Variants in ZNF804A observed in about 807,000 individuals in gnomAD.
ZNF804A encodes zinc finger protein 804A.
Under a neutral mutation model 16.5 loss-of-function variants are expected in ZNF804A, and 2 were observed. The ratio of observed to expected loss-of-function variants is 0.12; its 90% CI spans 0.05 to 0.38. The LOEUF (loss-of-function observed/expected upper bound fraction) is 0.38, where lower values mean the gene tolerates loss of function less well. ZNF804A is among the 10% of genes least tolerant of loss of function. The probability of loss-of-function intolerance (pLI) is 0.99; values close to 1 mark genes in which losing one functional copy is unlikely to be tolerated. For synonymous variants in ZNF804A, 534 were observed against 489.6 expected (o/e 1.09, Z -1.20); for missense variants, 1,473 against 1,390.7 (o/e 1.06, Z -0.94).
At chr2:184,900,586 A>G (rs968086162) in intron 2 of ZNF804A, among the ~76,000 whole-genome samples, 1 of 152,068 alleles carries the variant, frequency 6.6e-6, no homozygotes. Context: ...TCCTGGGTGT[A>G]TTAATGTAGG....
Position 184,937,346 on chromosome 2 carries a change from A to G in ZNF804A, c.1950A>G (p.Leu650=). Residue 650 remains leucine (L), a synonymous_variant, in exon 4 of 4, where the codon TTA becomes TTG. Transcript: ENST00000302277. ...AGTATTTAGCTGCAGAGCAATTATT[A>G]GACTCACATCAGTTACTTGATAAAA... is the stretch of plus-strand genomic sequence containing the variant. ...EKQYLAAEQL[L]DSHQLLDKRP... 6.2e-7 allele frequency: 1 copy of G among 1,613,918 alleles called. No homozygotes were observed. Among genetic ancestry groups the G allele is most frequent in the South Asian group, 1.1e-5 (1 of 91,072 alleles).
intron 1 of ZNF804A, among the ~76,000 whole-genome samples, chr2:184,796,338 G>A (rs1694629185): frequency 6.6e-6 from 1 of 151,386 alleles, no homozygotes; most frequent in African/African-American, 2.4e-5. Context: ...CTATGAATCT[G>A]TCTGGTCCTG....
intron 1 of ZNF804A, among the ~76,000 whole-genome samples, chr2:184,621,396 TC>T (rs1265138352): frequency 6.6e-6 from 1 of 151,742 alleles, no homozygotes; most frequent in Non-Finnish European, 1.5e-5. Flanking sequence ...TAGCTATATA[TC>T]CATGTATCCA....
intron 1 of ZNF804A, among the ~76,000 whole-genome samples, chr2:184,634,580 A>T (rs1313657172): frequency 6.6e-6 from 1 of 152,088 alleles, no homozygotes; most frequent in Non-Finnish European, 1.5e-5. Flanking sequence ...GGAGAAAAGG[A>T]AAAGGGAGAG....
chr2:184,890,288 T>C (rs925932593), intron 2 of ZNF804A, among the ~76,000 whole-genome samples: 1 of 152,164 alleles, frequency 6.6e-6, no homozygotes, highest in African/African-American at 2.4e-5. Flanking sequence ...TAAGAAGAAA[T>C]GCTAGATGTT....
At chr2:184,923,550 C>G (rs956464621) in intron 2 of ZNF804A, among the ~76,000 whole-genome samples, 1 of 151,820 alleles carries the variant, frequency 6.6e-6, no homozygotes, top group East Asian at 1.9e-4. Flanking sequence ...TTTCTCTTGT[C>G]TGATTGATTG....
At chr2:184,790,263 CAT>C (rs1438746036) in intron 1 of ZNF804A, among the ~76,000 whole-genome samples, 2 of 150,674 alleles carry the variant, frequency 1.3e-5, no homozygotes, top group Admixed American at 6.6e-5. Context: ...TATGGCCAAT[CAT>C]ATGGTCGATT....
At chr2:184,717,361 T>C (rs1693231166) in intron 1 of ZNF804A, among the ~76,000 whole-genome samples, 1 of 152,218 alleles carries the variant, frequency 6.6e-6, no homozygotes, top group Non-Finnish European at 1.5e-5. Flanking sequence ...GCTGTTGTTT[T>C]GTTGGTTTCA....
intron 1 of ZNF804A, among the ~76,000 whole-genome samples, chr2:184,814,600 G>C (rs968708606): frequency 3.3e-5 from 5 of 152,074 alleles, no homozygotes; most frequent in Admixed American, 6.6e-5. Flanking sequence ...TCATTGAGAA[G>C]AATTTATTCA....
intron 1 of ZNF804A, among the ~76,000 whole-genome samples, chr2:184,864,086 A>G (rs1209355904): frequency 6.6e-6 from 1 of 152,132 alleles, no homozygotes; most frequent in Non-Finnish European, 1.5e-5. Context: ...AGGCTGGGTA[A>G]TTTATACAGA....
At chr2:184,704,046 G>A (rs1692978342) in intron 1 of ZNF804A, among the ~76,000 whole-genome samples, 1 of 152,052 alleles carries the variant, frequency 6.6e-6, no homozygotes, top group African/African-American at 2.4e-5. Flanking sequence ...GGTACCACCA[G>A]CCACAATGTT....
In ZNF804A at chr2:184,936,065, C is replaced by A. The variant is rs148931756; in HGVS notation, c.669C>A (p.Ser223=). ...GFSFAFPKKA[S]VKLESSAAAF... is the part of the protein sequence containing the mutation. ...CTTTTGCATTTCCAAAGAAAGCGTC[C>A]GTGAAGCTAGAGTCCTCAGCTGCAG... The change falls in exon 4 of 4, where the codon TCC becomes TCA. Residue 223 remains serine (S), a synonymous_variant. Coordinates refer to ENST00000302277, the MANE Select transcript of ZNF804A (RefSeq NM_194250.2). 5.3e-4 allele frequency: 863 copies of A among 1,613,936 alleles called. No individual in the cohort carries two copies. The highest frequency in any genetic ancestry group is 6.9e-4 in the Non-Finnish European group (820 of 1,179,946).
intron 1 of ZNF804A, among the ~76,000 whole-genome samples, chr2:184,613,404 T>C (rs1422937647): frequency 6.6e-6 from 1 of 152,216 alleles, no homozygotes; most frequent in African/African-American, 2.4e-5. Context: ...AGAATTCTAC[T>C]AGCATCTTTA....
intron 1 of ZNF804A, among the ~76,000 whole-genome samples, chr2:184,769,234 A>G (rs1340101956): frequency 2.0e-5 from 3 of 152,072 alleles, no homozygotes; most frequent in Admixed American, 6.6e-5. Flanking sequence ...TAAGGAAAGA[A>G]CACACTGCTG....
rs202048586 is a variant in ZNF804A, at chr2:184,630,860, AT to A, written c.111+31794del. Among the ~76,000 whole-genome samples the A allele has an allele frequency of 9.2e-3, 1,401 of 152,198 alleles. 24 individuals carry two copies. The highest frequency in any genetic ancestry group is 0.032 in the African/African-American group (1,335 of 41,552). On this transcript the variant is annotated intron_variant, in intron 1 of 3. Transcript: ENST00000302277. ...TAAACAGATATAAATAAAATCTGTC[AT>A]TTTAAAAAAAAATACATTAAAAATA...
At chr2:184,661,933 G>A (rs1057225502) in intron 1 of ZNF804A, among the ~76,000 whole-genome samples, 3 of 152,068 alleles carry the variant, frequency 2.0e-5, no homozygotes, top group African/African-American at 7.2e-5. Context: ...CATTTTACAT[G>A]CTTGAAAAAT....
intron 2 of ZNF804A, among the ~76,000 whole-genome samples, chr2:184,897,788 T>C (rs1383936262): frequency 3.9e-5 from 6 of 152,140 alleles, no homozygotes; most frequent in Non-Finnish European, 8.8e-5. Context: ...CACACCCCCA[T>C]ACTTCCATCA....
intron 1 of ZNF804A, among the ~76,000 whole-genome samples, chr2:184,619,465 T>C (rs1288293489): frequency 6.6e-6 from 1 of 151,958 alleles, no homozygotes; most frequent in African/African-American, 2.4e-5. Context: ...TCAACATTAT[T>C]AATGGCAATA....
chr2:184,726,631 T>TA (rs974415561), intron 1 of ZNF804A, among the ~76,000 whole-genome samples: 5 of 151,544 alleles, frequency 3.3e-5, no homozygotes, highest in Non-Finnish European at 5.9e-5. Flanking sequence ...CAGTGACAAT[T>TA]AAAAAAACAG....
Sources: allele counts gnomAD v4.1 joint callset (sites outside exome capture counted in the v4.1 genomes callset), GRCh38; gene constraint gnomAD v4.1.1; transcripts MANE v1.5; gene names NCBI Gene and HGNC (gene_info 2026-07-23, HGNC 2026-07-21).